Variants in TSSK4 observed in about 807,000 individuals in gnomAD.
TSSK4 encodes the protein testis-specific serine/threonine-protein kinase 4.
Under a neutral mutation model 28.5 loss-of-function variants are expected in TSSK4, and 22 were observed. The ratio of observed to expected loss-of-function variants is 0.77; its 90% CI spans 0.55 to 1.10. The LOEUF (loss-of-function observed/expected upper bound fraction) is 1.10, where lower values mean the gene tolerates loss of function less well. Among genes scored for constraint, TSSK4 ranks in the 50% least tolerant of loss-of-function variants. TSSK4 has a pLI of 0.00. For synonymous variants in TSSK4, 151 were observed against 158.3 expected, an observed-to-expected ratio of 0.95 and a Z score of 0.35; for missense variants, 329 against 415.4, an observed-to-expected ratio of 0.79 and a Z score of 1.81.
At position 24,206,002 on chromosome 14, in the gene TSSK4, G is replaced by T. The variant is rs376850456; in HGVS notation, c.79G>T (p.Val27Leu). 82 of 1,614,106 alleles carry T rather than the reference G, an allele frequency of 5.1e-5. No individual in the cohort carries two copies. The highest frequency in any genetic ancestry group is 6.8e-5 in the Non-Finnish European group (80 of 1,180,048). Reference protein sequence around the residue: ...HSLMDEYGYEVGKAIGHGSYG... With the variant: ...HSLMDEYGYELGKAIGHGSYG... ...CCTCATGGATGAATATGGTTATGAG[G>T]TGGGCAAGGCCATTGGCCATGGCTC... Residue 27 changes from valine to leucine, a missense_variant, in exon 1 of 4, where the codon GTG becomes TTG. Around this residue, in one of 3 missense-constraint regions of TSSK4, gnomAD observed 175 missense variants for 196.0 expected, o/e 0.89. Coordinates refer to ENST00000339917, the MANE Select transcript of TSSK4 (RefSeq NM_001184739.2).
chr14:24,205,984 G>T lies in TSSK4; in HGVS notation c.61G>T (p.Asp21Tyr). 6.2e-7 allele frequency: 1 copy of T among 1,614,220 alleles called. No homozygotes were observed. Among genetic ancestry groups the T allele is most frequent in the Non-Finnish European group, 8.5e-7 (1 of 1,180,048 alleles). ...CACCACAGCCTACCATTCCCTCATGGATGAATATGGTTATGAGGTGGGCAA... is the reference window on the plus strand; with the variant it reads ...CACCACAGCCTACCATTCCCTCATGTATGAATATGGTTATGAGGTGGGCAA... ...PTTTAYHSLMDEYGYEVGKAI... is the reference protein window; with the variant it reads ...PTTTAYHSLMYEYGYEVGKAI... Residue 21 changes from aspartate to tyrosine, a missense_variant, in exon 1 of 4, where the codon GAT becomes TAT. By Grantham distance (160) the Asp-to-Tyr change is radical. Around this residue, in one of 3 missense-constraint regions of TSSK4, gnomAD observed 175 missense variants for 196.0 expected, o/e 0.89. Coordinates refer to ENST00000339917, the MANE Select transcript of TSSK4 (RefSeq NM_001184739.2).
chr14:24,207,889 T>C, intron 3 of TSSK4, 75 bp from the exon 4 acceptor site: 1 of 1,610,596 alleles, frequency 6.2e-7, no homozygotes, highest in Non-Finnish European at 8.5e-7. Flanking sequence ...GCTTCTTTCT[T>C]AGGTCCAACT....
chr14:24,207,781 A>G (rs2039546590), intron 3 of TSSK4, 183 bp from the exon 4 acceptor site: 2 of 1,200,262 alleles, frequency 1.7e-6, no homozygotes, highest in Admixed American at 4.0e-5. Context: ...CCTCCCAAGG[A>G]ACTCTTCCCT....
In TSSK4 at chr14:24,205,922, C is replaced by A. The variant is rs779834276; in HGVS notation, c.-2C>A. On this transcript the variant is annotated 5_prime_UTR_variant, in exon 1 of 4. Transcript: ENST00000339917. ...CTCCCTGCTCTCAGCAAGCCCAACA[C>A]CATGGGGAAGGGAGATGTCTTAGAG... 6.2e-7 allele frequency: 1 copy of A among 1,612,236 alleles called. No individual in the cohort carries two copies. The highest frequency in any genetic ancestry group is 2.2e-5 in the East Asian group (1 of 44,876).
At chr14:24,206,276 C>A in intron 1 of TSSK4, 128 bp downstream of exon 1, 5 of 954,172 alleles carry the variant, frequency 5.2e-6, no homozygotes, top group Non-Finnish European at 6.3e-6. Flanking sequence ...TCTCACTAAG[C>A]AGCTAGGAAA....
chr14:24,205,736 CTT>C lies in TSSK4; in HGVS notation c.-186_-185del, dbSNP rs1401198695. On this transcript the variant is annotated 5_prime_UTR_variant, in exon 1 of 4. Coordinates refer to ENST00000339917, the MANE Select transcript of TSSK4 (RefSeq NM_001184739.2). ...AGTGGAGACAAAAAGAACTGCTTCT[CTT>C]TCTTTCCCCCTCCAAGTTCCTAGTG... 1.0e-5 allele frequency: 6 copies of C among 591,668 alleles called. No homozygotes were observed. The Admixed American group carries it at 1.8e-4, about 18-fold the overall frequency. The allele number at this position is 591,668 out of a possible 1,614,324, so 36.7% of individuals were successfully genotyped here. A position where few individuals can be genotyped will look rare whatever the true frequency, so the allele number is the denominator to read the frequency against.
Position 24,207,202 on chromosome 14 carries a change from AC to A in TSSK4, c.528del (p.Phe177LeufsTer22), listed in dbSNP as rs1566656919. 6.2e-7 allele frequency: 1 copy of A among 1,614,166 alleles called. No homozygotes were observed. Among genetic ancestry groups the A allele is most frequent in the Non-Finnish European group, 8.5e-7 (1 of 1,180,030 alleles). On this transcript the variant is annotated frameshift_variant, in exon 3 of 4. Coordinates refer to ENST00000339917, the MANE Select transcript of TSSK4 (RefSeq NM_001184739.2). LOFTEE classifies it high-confidence loss of function. The part of the protein sequence containing the change: ...LDKWENVKIS[D>X]FGFAKMVPSN... ...AAGTGGGAGAATGTGAAGATATCAGACTTTGGCTTTGCCAAGATGGTGCCTT... is the reference window on the plus strand; with the variant it reads ...AAGTGGGAGAATGTGAAGATATCAGATTTGGCTTTGCCAAGATGGTGCCTT...
At chr14:24,207,868 T>C (rs749822536) in intron 3 of TSSK4, 96 bp from the exon 4 acceptor site, 4 of 1,597,858 alleles carry the variant, frequency 2.5e-6, no homozygotes, top group Non-Finnish European at 3.4e-6. Context: ...AGTGGTATGA[T>C]GGGCTATCCT....
In TSSK4 at chr14:24,205,748, C is replaced by T; in HGVS notation, c.-176C>T. The T allele has an allele frequency of 5.0e-6, 3 of 597,684 alleles. No individual in the cohort carries two copies. In the South Asian group the frequency reaches 6.3e-5, roughly 12 times the overall value. The allele number at this position is 597,684 out of a possible 1,614,324, so 37.0% of individuals were successfully genotyped here. ...AAGAACTGCTTCTCTTTCTTTCCCC[C>T]TCCAAGTTCCTAGTGGAGGGCTGAG... On this transcript the variant is annotated 5_prime_UTR_variant, in exon 1 of 4. Coordinates refer to ENST00000339917, the MANE Select transcript of TSSK4 (RefSeq NM_001184739.2).
In TSSK4 at chr14:24,207,498, C is replaced by T; in HGVS notation, c.823C>T (p.Gln275Ter). 1 of 1,608,784 alleles carries T rather than the reference C, an allele frequency of 6.2e-7. No homozygotes were observed. Among genetic ancestry groups the T allele is most frequent in the Non-Finnish European group, 8.5e-7 (1 of 1,177,240 alleles). The change falls in exon 3 of 4, where the codon CAG (glutamine) becomes TAG (stop). Residue 275 changes from glutamine (Q) to a stop codon, truncating the protein, a stop_gained. Transcript: ENST00000339917. LOFTEE classifies it high-confidence loss of function. ...VTFPANHTIS[Q>*]ECKNLILQML... ...TTTCCCAGCTAACCATACCATCTCCCAGGAGTGCAAGGTACTGGCTACCTA... is the reference window on the plus strand; with the variant it reads ...TTTCCCAGCTAACCATACCATCTCCTAGGAGTGCAAGGTACTGGCTACCTA...
chr14:24,206,182 T>C (rs2039513985), intron 1 of TSSK4, 34 bp downstream of exon 1: 1 of 1,603,440 alleles, frequency 6.2e-7, no homozygotes, highest in African/African-American at 1.3e-5. Flanking sequence ...GAACTGGAGC[T>C]TGGTACTAAG....
chr14:24,207,832 A>T, intron 3 of TSSK4, 132 bp from the exon 4 acceptor site: 1 of 1,547,492 alleles, frequency 6.5e-7, no homozygotes, highest in East Asian at 2.4e-5. Context: ...CCAAGATAAA[A>T]TCAGAGCCAC....
At chr14:24,206,978 C>T in intron 2 of TSSK4, 138 bp from the exon 3 acceptor site, 1 of 1,276,142 alleles carries the variant, frequency 7.8e-7, no homozygotes, top group Non-Finnish European at 1.1e-6. Context: ...TTGGGCTCTG[C>T]TCACAACTCC....
At chr14:24,207,778 AG>A in intron 3 of TSSK4, 185 bp from the exon 4 acceptor site, 1 of 1,186,162 alleles carries the variant, frequency 8.4e-7, no homozygotes, top group Non-Finnish European at 1.2e-6. Context: ...ATTCCTCCCA[AG>A]GAACTCTTCC....
chr14:24,205,967 C>G lies in TSSK4; in HGVS notation c.44C>G (p.Ala15Gly). 1 of 1,614,172 alleles carries G rather than the reference C, an allele frequency of 6.2e-7. No individual in the cohort carries two copies. Among genetic ancestry groups the G allele is most frequent in the South Asian group, 1.1e-5 (1 of 91,080 alleles). Residue 15 changes from alanine (A) to glycine (G), a missense_variant, in exon 1 of 4, where the codon GCC (alanine) becomes GGC (glycine). Physicochemically the swap from Ala to Gly is moderately conservative, Grantham distance 60 (BLOSUM62 0). Coordinates refer to ENST00000339917, the MANE Select transcript of TSSK4 (RefSeq NM_001184739.2). ...TTAGAGGCAGCACCAACCACCACAG[C>G]CTACCATTCCCTCATGGATGAATAT... is the stretch of plus-strand genomic sequence containing the variant. The part of the protein sequence containing the change: ...DVLEAAPTTT[A>G]YHSLMDEYGY...
At chr14:24,207,632 C>A in intron 3 of TSSK4, 123 bp downstream of exon 3, 1 of 1,155,526 alleles carries the variant, frequency 8.7e-7, no homozygotes. Context: ...CACACCAGAG[C>A]CATCTCACAC....
Position 24,207,340 on chromosome 14 carries a change from G to A in TSSK4, c.665G>A (p.Gly222Asp), listed in dbSNP as rs2138854760. 1 of 1,614,120 alleles carries A rather than the reference G, an allele frequency of 6.2e-7. No individual in the cohort carries two copies. The highest frequency in any genetic ancestry group is 1.1e-5 in the South Asian group (1 of 91,084). The change falls in exon 3 of 4, where the codon GGC becomes GAC. Residue 222 changes from glycine to aspartate, a missense_variant. Gly to Asp is a moderately conservative substitution (Grantham distance 94, BLOSUM62 -1). This residue lies in a region of TSSK4 where 139 missense variants were observed against 178.1 expected (regional missense o/e 0.78). Transcript: ENST00000339917. ...TACGCTTGCCCAGAGATCTTACGAG[G>A]CTTGCCCTACAACCCTTTCCTGTCT... ...FAYACPEILR[G>D]LPYNPFLSDT...
In TSSK4 at chr14:24,205,801, A is replaced by G. The variant is rs1162559560; in HGVS notation, c.-123A>G. On this transcript the variant is annotated 5_prime_UTR_variant, in exon 1 of 4. The change creates a new upstream start codon in the 5' untranslated region. Transcript: ENST00000339917. Reference sequence around the variant, plus strand: ...CAGCATCCCAGACTCGTGTGACTATATAGGCAAGCATTTGGGGACCTACTT... The same window carrying G: ...CAGCATCCCAGACTCGTGTGACTATGTAGGCAAGCATTTGGGGACCTACTT... 6 of 693,586 alleles carry G rather than the reference A, an allele frequency of 8.7e-6. No homozygotes were observed. In the African/African-American group the frequency reaches 1.1e-4, roughly 12 times the overall value. 43.0% of individuals were successfully genotyped at this position (693,586 alleles called of 1,614,324 possible). A position where few individuals can be genotyped will look rare whatever the true frequency, so the allele number is the denominator to read the frequency against.
At chr14:24,206,919 G>A in intron 2 of TSSK4, 196 bp downstream of exon 2, 1 of 984,098 alleles carries the variant, frequency 1.0e-6, no homozygotes, top group Non-Finnish European at 1.6e-6. Flanking sequence ...AAATACAATG[G>A]TGAGCTCCCG....
Sources: gnomAD v4.1 joint callset for allele counts on GRCh38, gnomAD v4.1.1 for gene constraint, gnomAD v4.1.1 regional missense constraint, MANE v1.5 for transcripts, NCBI Gene and HGNC (gene_info 2026-07-23, HGNC 2026-07-21) for gene names.